The following CADM2 variants were observed in gnomAD, a reference collection of about 807,000 sequenced individuals.
The protein encoded by CADM2 is immunoglobulin superfamily member 4D.
In CADM2, 12 loss-of-function variants were observed where a neutral mutation model predicts 49.8. That is an observed-to-expected ratio of 0.24 (90% CI 0.15 to 0.39). The LOEUF is 0.39. Among genes scored for constraint, CADM2 ranks in the 10% least tolerant of loss-of-function variants. The probability of loss-of-function intolerance (pLI) is 1.00; values close to 1 mark genes in which losing one functional copy is unlikely to be tolerated. For missense variants in CADM2, 378 were observed against 492.3 expected, an observed-to-expected ratio of 0.77 and a Z score of 2.20; for synonymous variants, 214 against 175.4, an observed-to-expected ratio of 1.22 and a Z score of -1.74.
intron 8 of CADM2, among the ~76,000 whole-genome samples, chr3:86,022,329 T>A (rs2107056174): frequency 6.6e-6 from 1 of 152,238 alleles, no homozygotes; most frequent in African/African-American, 2.4e-5. Flanking sequence ...GCCTCAGTTA[T>A]TCCTTGTTCT....
At chr3:85,022,079 A>G (rs189667470) in intron 1 of CADM2, among the ~76,000 whole-genome samples, 9 of 152,324 alleles carry the variant, frequency 5.9e-5, no homozygotes, top group Middle Eastern at 3.4e-3. Flanking sequence ...CGTAAGAACA[A>G]AATGGCTTAA....
intron 1 of CADM2, among the ~76,000 whole-genome samples, chr3:85,521,359 C>T (rs2061023059): frequency 6.6e-6 from 1 of 152,098 alleles, no homozygotes; most frequent in African/African-American, 2.4e-5. Context: ...CTTCATAGAT[C>T]TAAGCTAACT....
intron 1 of CADM2, among the ~76,000 whole-genome samples, chr3:85,173,111 C>T (rs1257474409): frequency 6.6e-6 from 1 of 150,950 alleles, no homozygotes; most frequent in Non-Finnish European, 1.5e-5. Context: ...TCTCCTGCCT[C>T]AGCCTACCAA....
chr3:85,541,679 T>C (rs2061540547), intron 1 of CADM2, among the ~76,000 whole-genome samples: 1 of 146,460 alleles, frequency 6.8e-6, no homozygotes, highest in Admixed American at 6.9e-5. Context: ...ATCTGAATCT[T>C]GAATTGTTGA....
At chr3:85,389,404 A>G (rs1379600323) in intron 1 of CADM2, among the ~76,000 whole-genome samples, 1 of 152,130 alleles carries the variant, frequency 6.6e-6, no homozygotes, top group Non-Finnish European at 1.5e-5. Flanking sequence ...TGAGGAAAAC[A>G]TGACATTGGA....
rs532468367 is a variant in CADM2, at chr3:86,007,492, A to C, written c.970+45845A>C. 2.8e-4 allele frequency among the ~76,000 whole-genome samples: 42 copies of C among 152,268 alleles called. 1 individual carries two copies. The South Asian group carries it at 8.5e-3, about 31-fold the overall frequency. On this transcript the variant is annotated intron_variant, in intron 8 of 9. Coordinates refer to ENST00000383699, the MANE Select transcript of CADM2 (RefSeq NM_001167675.2). The stretch of plus-strand genomic sequence containing the variant: ...TTCCAGCAGCCAAGGTAAATAAATA[A>C]ATATAGAATTTCACGTGGGGATGGA...
At chr3:85,148,116 T>C (rs892083019) in intron 1 of CADM2, among the ~76,000 whole-genome samples, 1 of 152,198 alleles carries the variant, frequency 6.6e-6, no homozygotes, top group Admixed American at 6.5e-5. Flanking sequence ...ATTTAATGAA[T>C]ATCACAGCGT....
intron 2 of CADM2, among the ~76,000 whole-genome samples, chr3:85,795,268 T>A (rs543068045): frequency 4.7e-4 from 71 of 152,278 alleles, no homozygotes; most frequent in Non-Finnish European, 8.2e-4. Flanking sequence ...AGTTAAAAGA[T>A]AAAGTAGCAG....
At chr3:85,214,483 A>C (rs1379744356) in intron 1 of CADM2, among the ~76,000 whole-genome samples, 2 of 151,866 alleles carry the variant, frequency 1.3e-5, no homozygotes, top group South Asian at 2.1e-4. Flanking sequence ...TGCTATCAGC[A>C]TGTAGCAAAT....
chr3:85,414,303 A>G (rs1312075409), intron 1 of CADM2, among the ~76,000 whole-genome samples: 1 of 152,236 alleles, frequency 6.6e-6, no homozygotes, highest in African/African-American at 2.4e-5. Flanking sequence ...GAAAAGAGAC[A>G]ATAATAAGCA....
intron 2 of CADM2, among the ~76,000 whole-genome samples, chr3:85,786,253 G>A (rs1431365027): frequency 9.2e-5 from 14 of 151,918 alleles, no homozygotes; most frequent in Non-Finnish European, 1.0e-4. Flanking sequence ...TAAAAATGTA[G>A]TAATCCCAAA....
At chr3:85,770,718 C>T (rs1559645783) in intron 2 of CADM2, among the ~76,000 whole-genome samples, 1 of 152,106 alleles carries the variant, frequency 6.6e-6, no homozygotes, top group Non-Finnish European at 1.5e-5. Context: ...TAATAGGAAA[C>T]ATCAAGCCAT....
chr3:85,265,301 T>A (rs2043099035), intron 1 of CADM2, among the ~76,000 whole-genome samples: 1 of 151,696 alleles, frequency 6.6e-6, no homozygotes, highest in Non-Finnish European at 1.5e-5. Context: ...CAAGGAATAT[T>A]TTTTTTTGTG....
intron 1 of CADM2, among the ~76,000 whole-genome samples, chr3:85,211,531 T>C (rs112793352): frequency 2.6e-5 from 4 of 152,174 alleles, no homozygotes; most frequent in African/African-American, 9.6e-5. Flanking sequence ...CTTCTTAATT[T>C]CTTCATTAGC....
intron 3 of CADM2, among the ~76,000 whole-genome samples, chr3:85,835,099 G>T (rs2074349113): frequency 6.6e-6 from 1 of 151,492 alleles, no homozygotes; most frequent in Admixed American, 6.6e-5. Context: ...CTTCTTGATG[G>T]ACATCCAACT....
intron 1 of CADM2, among the ~76,000 whole-genome samples, chr3:85,192,259 C>T (rs1381935849): frequency 1.3e-5 from 2 of 151,906 alleles, no homozygotes; most frequent in African/African-American, 2.4e-5. Context: ...ATGCTTCTTC[C>T]TCAACATTTA....
intron 3 of CADM2, among the ~76,000 whole-genome samples, chr3:85,871,857 C>T (rs75553047): frequency 0.044 from 6,672 of 152,170 alleles, 505 homozygotes; most frequent in African/African-American, 0.15. Flanking sequence ...TTTTAAATGG[C>T]ATTTTCTTTT....
At chr3:85,618,062 T>G (rs533247955) in intron 1 of CADM2, among the ~76,000 whole-genome samples, 8 of 152,278 alleles carry the variant, frequency 5.3e-5, no homozygotes, top group African/African-American at 1.2e-4. Context: ...ATTCTTTTCT[T>G]TAGGAGGAAA....
chr3:85,030,282 C>T lies in CADM2; in HGVS notation c.61+70614C>T, dbSNP rs185550218. ...CTTTTGTTATGTAACCTAGATCAAACGGCAAGACAACTCCACCGTGCTCTG... is the reference window on the plus strand; with the variant it reads ...CTTTTGTTATGTAACCTAGATCAAATGGCAAGACAACTCCACCGTGCTCTG... On this transcript the variant is annotated intron_variant, in intron 1 of 9. Transcript: ENST00000383699. Among the ~76,000 whole-genome samples the T allele has an allele frequency of 3.9e-5, 6 of 152,238 alleles. No homozygotes were observed. The East Asian group carries it at 5.8e-4, about 15-fold the overall frequency.
Sources: allele counts gnomAD v4.1 joint callset (sites outside exome capture counted in the v4.1 genomes callset), GRCh38; gene constraint gnomAD v4.1.1; transcripts MANE v1.5; gene names NCBI Gene and HGNC (gene_info 2026-07-23, HGNC 2026-07-21).